NTN1: variants seen among roughly 807,000 people sequenced by gnomAD.
The protein encoded by NTN1 is netrin-1.
NTN1 carries 11 observed loss-of-function variants against 54.2 expected under a neutral mutation model. The ratio of observed to expected loss-of-function variants is 0.20; its 90% CI spans 0.13 to 0.34. The LOEUF (loss-of-function observed/expected upper bound fraction) is 0.34, where lower values mean the gene tolerates loss of function less well. Among genes scored for constraint, NTN1 ranks in the 10% least tolerant of loss-of-function variants. NTN1 has a pLI of 1.00. For synonymous variants in NTN1, 371 were observed against 382.0 expected (o/e 0.97, Z 0.33); for missense variants, 740 against 893.1 (o/e 0.83, Z 2.18).
the NTN1 span, among the ~76,000 whole-genome samples, chr17:9,015,933 G>T: frequency 6.6e-6 from 1 of 151,990 alleles, no homozygotes; most frequent in African/African-American, 2.4e-5. Context: ...AATTAGCCAG[G>T]CATGGTGGTG....
chr17:9,203,117 T>C (rs1356337255), intron 5 of NTN1, among the ~76,000 whole-genome samples: 1 of 151,846 alleles, frequency 6.6e-6, no homozygotes, highest in Non-Finnish European at 1.5e-5. Context: ...GAGATGGGGT[T>C]TCACCATGTT....
chr17:9,221,215 A>T lies in NTN1; in HGVS notation c.1459A>T (p.Met487Leu). 1 of 1,612,772 alleles carries T rather than the reference A, an allele frequency of 6.2e-7. No individual in the cohort carries two copies. Among genetic ancestry groups the T allele is most frequent in the Non-Finnish European group, 8.5e-7 (1 of 1,179,642 alleles). The change falls in exon 6 of 7, where the codon ATG becomes TTG. Residue 487 changes from methionine to leucine, a missense_variant. Coordinates refer to ENST00000173229, the MANE Select transcript of NTN1 (RefSeq NM_004822.3). This position sits in a 1 kb window ranked among gnomAD's most constrained non-coding sequence, Gnocchi z 4.5. ...CTCCAAGGGGAAGCTGAAGATTAAC[A>T]TGAAAAAGTACTGCAAGAAGGACTA... ...KASKGKLKIN[M>L]KKYCKKDYAV...
chr17:9,099,571 T>TA (rs1016996332), intron 2 of NTN1, among the ~76,000 whole-genome samples: 22 of 152,120 alleles, frequency 1.4e-4, no homozygotes, highest in African/African-American at 5.3e-4. Flanking sequence ...CCTTCCTACC[T>TA]AAAAAATTCT....
In NTN1 at chr17:9,211,940, A is replaced by G. The variant is rs1567740120; in HGVS notation, c.1412-9228A>G. 6.6e-6 allele frequency among the ~76,000 whole-genome samples: 1 copy of G among 152,206 alleles called. No individual in the cohort carries two copies. ...CCAGTCCTTGGCTTCCTGTGTTACA[A>G]ACATTTTGGGCTTGCTTCTAGACCC... On this transcript the variant is annotated intron_variant, in intron 5 of 6. Coordinates refer to ENST00000173229, the MANE Select transcript of NTN1 (RefSeq NM_004822.3). This position sits in a 1 kb window ranked among gnomAD's most constrained non-coding sequence, Gnocchi z 4.4.
chr17:9,074,935 A>G (rs1354652613), intron 2 of NTN1, among the ~76,000 whole-genome samples: 3 of 152,182 alleles, frequency 2.0e-5, no homozygotes, highest in African/African-American at 4.8e-5. Flanking sequence ...GCGTTTCCCA[A>G]CACACACGGG....
chr17:9,059,134 G>A (rs760784830), intron 2 of NTN1, among the ~76,000 whole-genome samples: 13 of 152,132 alleles, frequency 8.5e-5, no homozygotes, highest in Non-Finnish European at 1.6e-4. Context: ...TACCTGCTAC[G>A]TGGCCGGCAC....
chr17:9,114,070 G>C (rs1388473736), intron 2 of NTN1, among the ~76,000 whole-genome samples: 3 of 148,334 alleles, frequency 2.0e-5, no homozygotes, highest in Non-Finnish European at 4.5e-5. Flanking sequence ...GCTGAGGCAG[G>C]AGAATTGCTT....
chr17:9,133,017 C>T (rs994499439), intron 2 of NTN1, among the ~76,000 whole-genome samples: 6 of 152,162 alleles, frequency 3.9e-5, no homozygotes, highest in Non-Finnish European at 7.3e-5. Flanking sequence ...AAACCTTCCA[C>T]GGACTGTAGA....
intron 5 of NTN1, among the ~76,000 whole-genome samples, chr17:9,204,099 G>T (rs997948974): frequency 6.6e-6 from 1 of 152,190 alleles, no homozygotes; most frequent in African/African-American, 2.4e-5. Flanking sequence ...CCTAGGATCG[G>T]TGATGAGGGA....
intron 2 of NTN1, among the ~76,000 whole-genome samples, chr17:9,074,069 A>G (rs943213533): frequency 6.6e-6 from 1 of 152,154 alleles, no homozygotes; most frequent in African/African-American, 2.4e-5. Context: ...ATCAGTGGCT[A>G]TGTTGAGTGA....
chr17:9,129,463 T>C (rs895707744), intron 2 of NTN1, among the ~76,000 whole-genome samples: 1 of 152,176 alleles, frequency 6.6e-6, no homozygotes, highest in Non-Finnish European at 1.5e-5. Context: ...GTTTTTCCTC[T>C]TGGGGAGGAG....
At chr17:9,188,488 A>G in intron 5 of NTN1, among the ~76,000 whole-genome samples, 1 of 140,090 alleles carries the variant, frequency 7.1e-6, no homozygotes, top group East Asian at 2.0e-4. Context: ...AAAAAATAAA[A>G]ACAAAAAAGT....
intron 5 of NTN1, among the ~76,000 whole-genome samples, chr17:9,199,825 C>T (rs1904733152): frequency 6.6e-6 from 1 of 152,228 alleles, no homozygotes; most frequent in African/African-American, 2.4e-5. Context: ...ACTCTGCTGA[C>T]TTCAGGGACA....
intron 2 of NTN1, among the ~76,000 whole-genome samples, chr17:9,151,466 G>A (rs1274744128): frequency 6.6e-6 from 1 of 152,114 alleles, no homozygotes; most frequent in Admixed American, 6.6e-5. Context: ...GGGCACTGAG[G>A]TTCCAAAACA....
At chr17:9,137,136 C>G (rs533082686) in intron 2 of NTN1, among the ~76,000 whole-genome samples, 1 of 152,164 alleles carries the variant, frequency 6.6e-6, no homozygotes, top group Non-Finnish European at 1.5e-5. Context: ...TCCATGAAGA[C>G]CTCTCTGATG....
At chr17:9,091,552 C>T (rs1475897718) in intron 2 of NTN1, among the ~76,000 whole-genome samples, 2 of 149,308 alleles carry the variant, frequency 1.3e-5, no homozygotes, top group African/African-American at 2.5e-5. Context: ...CTCACGGGTT[C>T]GAGTGATTCT....
intron 2 of NTN1, among the ~76,000 whole-genome samples, chr17:9,027,107 T>C (rs1370108826): frequency 1.3e-5 from 2 of 152,106 alleles, no homozygotes; most frequent in African/African-American, 2.4e-5. Context: ...GGAGGTTATA[T>C]TGGAGGTGTT....
intron 3 of NTN1, chr17:9,174,411 TAGTC>T (rs1302393133): frequency 6.6e-6 from 1 of 152,460 alleles, no homozygotes; most frequent in African/African-American, 2.4e-5. Context: ...ACAGGTGTGT[TAGTC>T]AGTGCAGGCT....
rs1483480390 is a variant in NTN1, at chr17:9,242,612, CT to C, written c.*2645del. 6.6e-6 allele frequency: 1 copy of C among 152,322 alleles called. No homozygotes were observed. Among genetic ancestry groups the C allele is most frequent in the African/African-American group, 2.4e-5 (1 of 41,474 alleles). 9.4% of individuals were successfully genotyped at this position (152,322 alleles called of 1,614,324 possible). A position where few individuals can be genotyped will look rare whatever the true frequency, so the allele number is the denominator to read the frequency against. On this transcript the variant is annotated 3_prime_UTR_variant, in exon 7 of 7. Transcript: ENST00000173229. ...GGAAAATTCAGCCAGTGTCCTGCCC[CT>C]CCCTTCGGCTCAGCACCCCGCAGGG... is the stretch of plus-strand genomic sequence containing the variant.
Sources: gnomAD v4.1 joint callset for allele counts (sites outside exome capture counted in the v4.1 genomes callset) on GRCh38, gnomAD v4.1.1 for gene constraint, Gnocchi (gnomAD v3.1) non-coding constraint, MANE v1.5 for transcripts, NCBI Gene and HGNC (gene_info 2026-07-23, HGNC 2026-07-21) for gene names.